The following KDM3A variants were observed in gnomAD, a reference collection of about 807,000 sequenced individuals.
The protein encoded by KDM3A is lysine-specific demethylase 3A.
In KDM3A, 60 loss-of-function variants were observed where a neutral mutation model predicts 158.0. That is an observed-to-expected ratio of 0.38 (90% CI 0.31 to 0.47). The LOEUF is 0.47. Ranked by LOEUF, KDM3A falls within the 20% of genes least tolerant of loss-of-function variation. The pLI is 0.99. For missense variants in KDM3A, 1,319 were observed against 1,574.3 expected (o/e 0.84, Z 2.74); for synonymous variants, 608 against 549.3 (o/e 1.11, Z -1.49).
chr2:86,478,791 T>C lies in KDM3A; in HGVS notation c.2316+56T>C, dbSNP rs1007306899. The C allele has an allele frequency of 1.9e-6, 3 of 1,558,620 alleles. No individual in the cohort carries two copies. In the African/African-American group the frequency reaches 4.1e-5, roughly 21 times the overall value. ...TCTTGTAATTGTCATTTGTCTGTTT[T>C]TCAAATAACCCAAGGATTTCTATCA... On this transcript the variant is annotated intron_variant, in intron 15 of 25. Coordinates refer to ENST00000312912, the MANE Select transcript of KDM3A (RefSeq NM_018433.6).
At chr2:86,441,548 G>A (rs1435951954) in intron 1 of KDM3A, 104 bp downstream of exon 1, 2 of 150,886 alleles carry the variant, frequency 1.3e-5, no homozygotes, top group Non-Finnish European at 3.0e-5. Context: ...CCCGGGAGAC[G>A]GGCGCCCGGG....
At chr2:86,462,697 A>C (rs1428668555) in intron 8 of KDM3A, among the ~76,000 whole-genome samples, 1 of 152,232 alleles carries the variant, frequency 6.6e-6, no homozygotes, top group African/African-American at 2.4e-5. Context: ...TTTCAGATAT[A>C]TCTGTATATG....
In KDM3A at chr2:86,474,994, A is replaced by C; in HGVS notation, c.1939+4A>C. 1.2e-6 allele frequency: 2 copies of C among 1,612,084 alleles called. No homozygotes were observed. Among genetic ancestry groups the C allele is most frequent in the Non-Finnish European group, 1.7e-6 (2 of 1,178,216 alleles). ...ATGTCAACTATTGAGCCACACAGTA[A>C]GAGCATCTCTTAGGGGGTAGGATTT... is the stretch of plus-strand genomic sequence containing the variant. On this transcript the variant is annotated splice_donor_region_variant and intron_variant, in intron 12 of 25. Coordinates refer to ENST00000312912, the MANE Select transcript of KDM3A (RefSeq NM_018433.6).
intron 2 of KDM3A, 39 bp from the exon 3 acceptor site, chr2:86,449,768 T>A: frequency 6.4e-7 from 1 of 1,564,496 alleles, no homozygotes; most frequent in Non-Finnish European, 8.6e-7. Flanking sequence ...TTTAATAAAT[T>A]GAATCTGCTT....
At chr2:86,456,762 G>A (rs764542830) in intron 6 of KDM3A, 43 bp from the exon 7 acceptor site, 25 of 1,502,236 alleles carry the variant, frequency 1.7e-5, no homozygotes, top group Non-Finnish European at 2.2e-5. Flanking sequence ...ATGTTCTTGA[G>A]CATTTTTTAT....
intron 10 of KDM3A, among the ~76,000 whole-genome samples, chr2:86,468,595 CTT>C: frequency 6.8e-6 from 1 of 147,032 alleles, no homozygotes; most frequent in Non-Finnish European, 1.5e-5. Flanking sequence ...TCTACTGTGA[CTT>C]TTTTTTTTTG....
In KDM3A at chr2:86,489,563, A is replaced by C; in HGVS notation, c.3477A>C (p.Thr1159=). Residue 1159 remains threonine (T), a synonymous_variant, in exon 23 of 26, where the codon ACA becomes ACC. Transcript: ENST00000312912. ...TIQDGDSDEL[T]IKRFIEGKEK... ...AAGATGGAGATTCTGACGAACTCAC[A>C]ATAAAGCGATTTATTGAAGGAAAAG... 3.1e-6 allele frequency: 5 copies of C among 1,614,046 alleles called. No homozygotes were observed. Among genetic ancestry groups the C allele is most frequent in the Non-Finnish European group, 4.2e-6 (5 of 1,179,996 alleles).
chr2:86,439,255 A>G (rs1682553045), upstream of KDM3A, among the ~76,000 whole-genome samples: 1 of 151,962 alleles, frequency 6.6e-6, no homozygotes, highest in Admixed American at 6.5e-5. Flanking sequence ...TTAACCTGTC[A>G]TGGTGAATTT....
intron 5 of KDM3A, 129 bp downstream of exon 5, chr2:86,455,316 G>A (rs1483902975): frequency 3.4e-6 from 2 of 589,078 alleles, no homozygotes; most frequent in Admixed American, 3.7e-5. Context: ...TTTTGAGACA[G>A]TCTAGTTCCT....
chr2:86,450,453 C>T (rs764953438), intron 3 of KDM3A, among the ~76,000 whole-genome samples: 3 of 152,094 alleles, frequency 2.0e-5, no homozygotes, highest in Non-Finnish European at 4.4e-5. Context: ...TTTAAGGTTC[C>T]CTCTGGATTA....
chr2:86,449,221 A>G (rs771312086), intron 2 of KDM3A, among the ~76,000 whole-genome samples: 4 of 152,198 alleles, frequency 2.6e-5, no homozygotes, highest in East Asian at 1.9e-4. Flanking sequence ...ACTCGTTTCT[A>G]TGTTATCCAA....
chr2:86,461,858 T>G (rs1167649641), intron 8 of KDM3A, among the ~76,000 whole-genome samples: 1 of 151,596 alleles, frequency 6.6e-6, no homozygotes, highest in East Asian at 1.9e-4. Context: ...AGGAAGCAAG[T>G]GTAGTTGGAG....
chr2:86,489,615 T>C lies in KDM3A; in HGVS notation c.3529T>C (p.Tyr1177His). ...GAAGCCAGGAGCACTGTGGCACATATATGCTGCAAAGGACACGGAGAAGAT... is the reference window on the plus strand; with the variant it reads ...GAAGCCAGGAGCACTGTGGCACATACATGCTGCAAAGGACACGGAGAAGAT... ...KEKPGALWHI[Y>H]AAKDTEKIRE... The change falls in exon 23 of 26, where the codon TAT (tyrosine) becomes CAT (histidine). Residue 1177 changes from tyrosine (Y) to histidine (H), a missense_variant. Transcript: ENST00000312912. 1.2e-6 allele frequency: 2 copies of C among 1,613,926 alleles called. No individual in the cohort carries two copies. Among genetic ancestry groups the C allele is most frequent in the South Asian group, 1.1e-5 (1 of 91,074 alleles).
At chr2:86,444,911 A>G (rs1682893529) in intron 2 of KDM3A, among the ~76,000 whole-genome samples, 1 of 152,246 alleles carries the variant, frequency 6.6e-6, no homozygotes, top group African/African-American at 2.4e-5. Flanking sequence ...AGGTGAAGAC[A>G]TAATAACAGT....
At chr2:86,456,601 G>T (rs186376859) in intron 6 of KDM3A, 35 bp downstream of exon 6, 1 of 1,574,584 alleles carries the variant, frequency 6.4e-7, no homozygotes, top group African/African-American at 1.4e-5. Flanking sequence ...AAGATAACTC[G>T]ACAAAGCATG....
intron 4 of KDM3A, 121 bp from the exon 5 acceptor site, chr2:86,454,964 A>T: frequency 3.5e-6 from 2 of 579,036 alleles, no homozygotes; most frequent in South Asian, 2.5e-5. Flanking sequence ...TTGGGCTATC[A>T]CATGGTTTGT....
Position 86,466,301 on chromosome 2 carries a change from G to A in KDM3A, c.1008-71G>A, listed in dbSNP as rs1045371788. The A allele has an allele frequency of 4.9e-6, 7 of 1,435,740 alleles. No homozygotes were observed. The African/African-American group carries it at 1.0e-4, about 21-fold the overall frequency. 88.9% of individuals were successfully genotyped at this position (1,435,740 alleles called of 1,614,324 possible). A position where few individuals can be genotyped will look rare whatever the true frequency, so the allele number is the denominator to read the frequency against. On this transcript the variant is annotated intron_variant, in intron 9 of 25. Transcript: ENST00000312912. ...ACTCGTTACCTTAGGGAACCAAACA[G>A]TTTGTTTGGGGAAGATAATGGAGAG...
In KDM3A at chr2:86,456,875, G is replaced by A. The variant is rs1336251685; in HGVS notation, c.752G>A (p.Cys251Tyr). ...VEVVHDNLVT[C>Y]GNSARIGAVK... ...GTTGTACACGATAACCTTGTGACATGTGGTAAGATATGTTATTAAAATCTT... is the reference window on the plus strand; with the variant it reads ...GTTGTACACGATAACCTTGTGACATATGGTAAGATATGTTATTAAAATCTT... The change falls in exon 7 of 26, where the codon TGT (cysteine) becomes TAT (tyrosine). Residue 251 changes from cysteine (C) to tyrosine (Y), a missense_variant and splice_region_variant. By Grantham distance (194) the Cys-to-Tyr change is radical (BLOSUM62 -2). Around this residue, in one of 4 missense-constraint regions of KDM3A, gnomAD observed 652 missense variants for 627.2 expected, o/e 1.04. Coordinates refer to ENST00000312912, the MANE Select transcript of KDM3A (RefSeq NM_018433.6). 3 of 1,607,784 alleles carry A rather than the reference G, an allele frequency of 1.9e-6. No individual in the cohort carries two copies. The highest frequency in any genetic ancestry group is 2.6e-6 in the Non-Finnish European group (3 of 1,174,730).
chr2:86,442,304 T>G, intron 2 of KDM3A, 71 bp downstream of exon 2: 1 of 1,415,308 alleles, frequency 7.1e-7, no homozygotes, highest in Non-Finnish European at 9.6e-7. Flanking sequence ...ATCGGTTCCC[T>G]CCTTCCGTTT....
Sources: allele counts gnomAD v4.1 joint callset (sites outside exome capture counted in the v4.1 genomes callset), GRCh38; gene constraint gnomAD v4.1.1; regional missense constraint gnomAD v4.1.1; transcripts MANE v1.5; gene names NCBI Gene and HGNC (gene_info 2026-07-23, HGNC 2026-07-21).